SLC14A2: variants seen among roughly 807,000 people sequenced by gnomAD.
SLC14A2 encodes the protein urea transporter 2.
SLC14A2 carries 91 observed loss-of-function variants against 104.6 expected under a neutral mutation model. That is an observed-to-expected ratio of 0.87 (90% CI 0.73 to 1.04). The LOEUF is 1.04. Among genes scored for constraint, SLC14A2 ranks in the 50% least tolerant of loss-of-function variants. The probability of loss-of-function intolerance (pLI) is 0.00; values close to 1 mark genes in which losing one functional copy is unlikely to be tolerated. For missense variants in SLC14A2, 1,189 were observed against 1,156.0 expected (o/e 1.03, Z -0.41); for synonymous variants, 476 against 466.4 (o/e 1.02, Z -0.27).
At chr18:45,545,608 C>T (rs2043957327) in intron 2 of SLC14A2, among the ~76,000 whole-genome samples, 1 of 152,204 alleles carries the variant, frequency 6.6e-6, no homozygotes, top group Non-Finnish European at 1.5e-5. Context: ...TCAGTATTGT[C>T]AGACACCATG....
At chr18:45,322,376 C>T (rs536017030) in intron 1 of SLC14A2, among the ~76,000 whole-genome samples, 41 of 152,126 alleles carry the variant, frequency 2.7e-4, no homozygotes, top group Admixed American at 6.5e-4. Context: ...TAATAGTGAA[C>T]ACTAATTGAA....
intron 1 of SLC14A2, chr18:45,440,239 T>A (rs568678949): frequency 1.2e-4 from 19 of 152,220 alleles, no homozygotes; most frequent in Admixed American, 9.8e-4. Context: ...TTTAATTTTC[T>A]TCATGACATC....
intron 1 of SLC14A2, among the ~76,000 whole-genome samples, chr18:45,262,724 G>A (rs761596329): frequency 2.6e-5 from 4 of 152,106 alleles, no homozygotes; most frequent in Non-Finnish European, 5.9e-5. Context: ...CTGAGTACCC[G>A]CTGTCTTACT....
chr18:45,458,518 A>C (rs1598850443), intron 1 of SLC14A2, among the ~76,000 whole-genome samples: 1 of 152,176 alleles, frequency 6.6e-6, no homozygotes, highest in East Asian at 1.9e-4. Flanking sequence ...CCACACTTAA[A>C]AGTCTCCGTT....
At chr18:45,346,769 C>T (rs2085452202) in intron 1 of SLC14A2, among the ~76,000 whole-genome samples, 1 of 151,776 alleles carries the variant, frequency 6.6e-6, no homozygotes, top group Non-Finnish European at 1.5e-5. Flanking sequence ...ATGGTGAAAC[C>T]CAGCCAACAT....
At chr18:45,366,275 CA>C (rs1036489497) in intron 1 of SLC14A2, among the ~76,000 whole-genome samples, 2 of 152,158 alleles carry the variant, frequency 1.3e-5, no homozygotes, top group Non-Finnish European at 2.9e-5. Context: ...GCTCAATCCC[CA>C]ACTTCACCCA....
In SLC14A2 at chr18:45,682,612, C is replaced by T. The variant is rs188444045; in HGVS notation, c.*93C>T. 3 of 1,027,876 alleles carry T rather than the reference C, an allele frequency of 2.9e-6. No homozygotes were observed. The Admixed American group carries it at 5.3e-5, about 18-fold the overall frequency. The allele number at this position is 1,027,876 out of a possible 1,614,324, so 63.7% of individuals were successfully genotyped here. A position where few individuals can be genotyped will look rare whatever the true frequency, so the allele number is the denominator to read the frequency against. Reference sequence around the variant, plus strand: ...GAGACCACTTAGCCTTCCCTTTGGTCTGTTCTGTGACTCTCTCCCCAAACA... The same window carrying T: ...GAGACCACTTAGCCTTCCCTTTGGTTTGTTCTGTGACTCTCTCCCCAAACA... On this transcript the variant is annotated 3_prime_UTR_variant, in exon 20 of 20. Transcript: ENST00000255226.
chr18:45,420,058 T>G (rs985302487), intron 1 of SLC14A2, among the ~76,000 whole-genome samples: 1 of 152,346 alleles, frequency 6.6e-6, no homozygotes, highest in African/African-American at 2.4e-5. Context: ...CTTGGCCAGG[T>G]AGTTCTGGCT....
intron 2 of SLC14A2, among the ~76,000 whole-genome samples, chr18:45,607,232 C>T (rs1367721109): frequency 1.3e-5 from 2 of 152,166 alleles, no homozygotes; most frequent in Admixed American, 6.5e-5. Flanking sequence ...AACCAATCCC[C>T]AGTCAGGGTT....
intron 1 of SLC14A2, among the ~76,000 whole-genome samples, chr18:45,292,143 A>C (rs1020450174): frequency 6.6e-6 from 1 of 152,164 alleles, no homozygotes; most frequent in African/African-American, 2.4e-5. Flanking sequence ...TATTCCATGA[A>C]ACAGTTAGGG....
chr18:45,402,506 C>A (rs914926290), intron 1 of SLC14A2, among the ~76,000 whole-genome samples: 3 of 152,144 alleles, frequency 2.0e-5, no homozygotes, highest in Non-Finnish European at 4.4e-5. Flanking sequence ...AGGTTTATTG[C>A]AAGTGGGCCA....
intron 1 of SLC14A2, among the ~76,000 whole-genome samples, chr18:45,231,832 T>G (rs1181806321): frequency 6.6e-6 from 1 of 152,232 alleles, no homozygotes; most frequent in Non-Finnish European, 1.5e-5. Flanking sequence ...GTAAGTGTTA[T>G]GAGTTCCCCT....
chr18:45,584,890 C>T (rs531142867), intron 2 of SLC14A2, among the ~76,000 whole-genome samples: 19 of 152,250 alleles, frequency 1.2e-4, no homozygotes, highest in African/African-American at 3.1e-4. Context: ...TGAGATGAAA[C>T]GCAGCAGATC....
At chr18:45,239,138 A>G (rs1461071326) in intron 1 of SLC14A2, among the ~76,000 whole-genome samples, 1 of 151,908 alleles carries the variant, frequency 6.6e-6, no homozygotes, top group Non-Finnish European at 1.5e-5. Context: ...TAGTGAATCC[A>G]CTCTTTAGGT....
chr18:45,244,089 T>G (rs948733492), intron 1 of SLC14A2, among the ~76,000 whole-genome samples: 3 of 152,176 alleles, frequency 2.0e-5, no homozygotes, highest in African/African-American at 7.2e-5. Context: ...GAGAGTCAAA[T>G]CCTGGACTGC....
chr18:45,340,376 A>C (rs1048286074), intron 1 of SLC14A2, among the ~76,000 whole-genome samples: 1 of 152,218 alleles, frequency 6.6e-6, no homozygotes. Context: ...TGAGAAGTAC[A>C]TGCCCTGCCC....
intron 2 of SLC14A2, among the ~76,000 whole-genome samples, chr18:45,534,816 C>T (rs142954790): frequency 8.3e-4 from 127 of 152,290 alleles, no homozygotes; most frequent in African/African-American, 3.0e-3. Flanking sequence ...GGAGAACTAA[C>T]TAGTTCATGG....
intron 2 of SLC14A2, among the ~76,000 whole-genome samples, chr18:45,581,392 G>T (rs151046362): frequency 4.6e-4 from 70 of 152,314 alleles, no homozygotes; most frequent in African/African-American, 1.6e-3. Flanking sequence ...GAGAGAGGCC[G>T]TGGAGCCAGG....
At chr18:45,183,947 G>A in the SLC14A2 span, among the ~76,000 whole-genome samples, 2 of 105,934 alleles carry the variant, frequency 1.9e-5, no homozygotes, top group Admixed American at 2.6e-4. Flanking sequence ...GAGACATGGA[G>A]TCTCATATGT....
Sources: gnomAD v4.1 joint callset for allele counts (sites outside exome capture counted in the v4.1 genomes callset) on GRCh38, gnomAD v4.1.1 for gene constraint, MANE v1.5 for transcripts, NCBI Gene and HGNC (gene_info 2026-07-23, HGNC 2026-07-21) for gene names.